GLIS3: variants seen among roughly 807,000 people sequenced by gnomAD.
GLIS3 encodes the protein GLIS family zinc finger 3, also known as zinc finger protein GLIS3.
GLIS3 carries 53 observed loss-of-function variants against 78.6 expected under a neutral mutation model. The ratio of observed to expected loss-of-function variants is 0.67; its 90% CI spans 0.54 to 0.85. The LOEUF (loss-of-function observed/expected upper bound fraction) is 0.85, where lower values mean the gene tolerates loss of function less well. GLIS3 is among the 40% of genes least tolerant of loss of function. The pLI is 0.00. For missense variants in GLIS3, 1,703 were observed against 1,231.1 expected (o/e 1.38, Z -5.74); for synonymous variants, 684 against 509.9 (o/e 1.34, Z -4.60).
the GLIS3 span, among the ~76,000 whole-genome samples, chr9:4,368,459 C>T: frequency 6.6e-6 from 1 of 152,004 alleles, no homozygotes; most frequent in East Asian, 1.9e-4. Context: ...CTTCTCTTGC[C>T]TCAGCCTCCC....
intron 4 of GLIS3, among the ~76,000 whole-genome samples, chr9:3,993,508 T>C (rs996623056): frequency 2.6e-5 from 4 of 152,190 alleles, no homozygotes; most frequent in Non-Finnish European, 5.9e-5. Flanking sequence ...ATTTCATGTA[T>C]ATGTAAAAAT....
chr9:4,041,394 GC>G (rs796589916), intron 4 of GLIS3, among the ~76,000 whole-genome samples: 14 of 152,276 alleles, frequency 9.2e-5, no homozygotes, highest in African/African-American at 3.4e-4. Flanking sequence ...CTTTTGAGAA[GC>G]CTTGCTTTAG....
chr9:4,320,181 G>T (rs755132928), intron 2 of GLIS3, among the ~76,000 whole-genome samples: 1 of 152,146 alleles, frequency 6.6e-6, no homozygotes, highest in Non-Finnish European at 1.5e-5. Flanking sequence ...GTTTTTTATA[G>T]GTCAACAAAT....
intron 2 of GLIS3, among the ~76,000 whole-genome samples, chr9:4,265,216 G>A (rs1003397466): frequency 6.6e-6 from 1 of 151,242 alleles, no homozygotes; most frequent in Non-Finnish European, 1.5e-5. Flanking sequence ...GCCTTCACAA[G>A]GTCTACATCT....
intron 4 of GLIS3, among the ~76,000 whole-genome samples, chr9:3,980,358 G>A (rs1034233595): frequency 2.0e-5 from 3 of 152,312 alleles, no homozygotes; most frequent in Non-Finnish European, 2.9e-5. Context: ...CACACTCGAC[G>A]TAAGTGGCAG....
chr9:4,187,577 G>T (rs960845316), intron 2 of GLIS3, among the ~76,000 whole-genome samples: 17 of 152,048 alleles, frequency 1.1e-4, no homozygotes, highest in South Asian at 2.1e-4. Context: ...ATCTATAAAT[G>T]ACCTTGGACT....
intron 4 of GLIS3, among the ~76,000 whole-genome samples, chr9:4,092,731 C>T (rs1030339739): frequency 1.2e-4 from 19 of 152,122 alleles, no homozygotes; most frequent in African/African-American, 4.3e-4. Flanking sequence ...TGAAATACCT[C>T]TTGACGGAGC....
intron 2 of GLIS3, among the ~76,000 whole-genome samples, chr9:4,190,297 G>A (rs930973304): frequency 7.9e-5 from 12 of 152,140 alleles, no homozygotes; most frequent in East Asian, 5.8e-4. Flanking sequence ...AATTTTAGAC[G>A]AATGTATAAC....
At chr9:4,080,470 A>T (rs1422015304) in intron 4 of GLIS3, among the ~76,000 whole-genome samples, 1 of 152,204 alleles carries the variant, frequency 6.6e-6, no homozygotes, top group Non-Finnish European at 1.5e-5. Flanking sequence ...AAAATTTTAA[A>T]TAAAGACAAG....
At chr9:4,346,211 T>C (rs1817895541) in intron 2 of GLIS3, among the ~76,000 whole-genome samples, 1 of 152,200 alleles carries the variant, frequency 6.6e-6, no homozygotes, top group Admixed American at 6.5e-5. Flanking sequence ...CATTCTCTAA[T>C]AGGAATCCAA....
At chr9:4,290,928 G>A (rs1166461440) in intron 1 of GLIS3, among the ~76,000 whole-genome samples, 2 of 152,090 alleles carry the variant, frequency 1.3e-5, no homozygotes. Context: ...ACTATATTAT[G>A]ATATGATAAC....
At chr9:4,313,187 A>T (rs993769436) in intron 2 of GLIS3, among the ~76,000 whole-genome samples, 4 of 152,234 alleles carry the variant, frequency 2.6e-5, no homozygotes, top group Non-Finnish European at 4.4e-5. Flanking sequence ...GGCACATAGT[A>T]GGTGTAGCTG....
intron 8 of GLIS3, among the ~76,000 whole-genome samples, chr9:3,863,315 C>G (rs936645546): frequency 5.9e-5 from 9 of 152,220 alleles, no homozygotes; most frequent in African/African-American, 1.9e-4. Flanking sequence ...AAATGAATCA[C>G]AGCACGTTAC....
At chr9:4,100,728 G>C (rs993437150) in intron 4 of GLIS3, among the ~76,000 whole-genome samples, 2 of 151,020 alleles carry the variant, frequency 1.3e-5, no homozygotes, top group African/African-American at 4.9e-5. Flanking sequence ...ATAATATTGA[G>C]GGGGGGACAA....
At chr9:4,032,613 G>A (rs1161831694) in intron 4 of GLIS3, among the ~76,000 whole-genome samples, 2 of 152,100 alleles carry the variant, frequency 1.3e-5, no homozygotes, top group African/African-American at 2.4e-5. Flanking sequence ...TGTGCAACAA[G>A]GAAAACATAC....
intron 2 of GLIS3, among the ~76,000 whole-genome samples, chr9:4,182,384 T>C (rs1352058421): frequency 1.3e-5 from 2 of 152,222 alleles, no homozygotes; most frequent in African/African-American, 4.8e-5. Context: ...CTTTGAGAAA[T>C]ACCTGATTTT....
At chr9:4,436,806 A>C in the GLIS3 span, among the ~76,000 whole-genome samples, 758 of 93,750 alleles carry the variant, frequency 8.1e-3, 11 homozygotes, top group African/African-American at 0.033. Flanking sequence ...GTGAGACTGC[A>C]TCTCAAAAAA....
chr9:4,210,334 T>C (rs1488654282), intron 2 of GLIS3, among the ~76,000 whole-genome samples: 1 of 152,236 alleles, frequency 6.6e-6, no homozygotes. Context: ...CCTCTTGTTA[T>C]CAGCGAAGTT....
chr9:4,433,015 C>G, the GLIS3 span, among the ~76,000 whole-genome samples: 1 of 152,130 alleles, frequency 6.6e-6, no homozygotes, highest in South Asian at 2.1e-4. Context: ...TTCACGGAAA[C>G]CTGCCTCCCA....
Sources: gnomAD v4.1 joint callset for allele counts (sites outside exome capture counted in the v4.1 genomes callset) on GRCh38, gnomAD v4.1.1 for gene constraint, MANE v1.5 for transcripts, NCBI Gene and HGNC (gene_info 2026-07-23, HGNC 2026-07-21) for gene names.